The following NEDD4L variants were observed in gnomAD, a reference collection of about 807,000 sequenced individuals.
NEDD4L encodes the protein E3 ubiquitin-protein ligase NEDD4-like.
In NEDD4L, 54 loss-of-function variants were observed where a neutral mutation model predicts 148.9. The observed-to-expected ratio is 0.36, with a 90% CI of 0.29 to 0.45. The LOEUF is 0.45. NEDD4L is among the 20% of genes least tolerant of loss of function. The probability of loss-of-function intolerance (pLI) is 1.00; values close to 1 mark genes in which losing one functional copy is unlikely to be tolerated. For missense variants in NEDD4L, 856 were observed against 1,233.8 expected, an observed-to-expected ratio of 0.69 and a Z score of 4.59; for synonymous variants, 433 against 440.7, an observed-to-expected ratio of 0.98 and a Z score of 0.22.
chr18:58,147,483 T>C (rs1168419619), intron 1 of NEDD4L, among the ~76,000 whole-genome samples: 1 of 152,218 alleles, frequency 6.6e-6, no homozygotes, highest in Admixed American at 6.5e-5. Flanking sequence ...CCTCTGCTGC[T>C]TAGAGCTGCC....
intron 13 of NEDD4L, among the ~76,000 whole-genome samples, chr18:58,338,428 A>T (rs913334909): frequency 5.3e-5 from 8 of 152,232 alleles, no homozygotes; most frequent in Non-Finnish European, 8.8e-5. Context: ...AAGTTGTTCT[A>T]TGTGGTCATT....
chr18:58,054,109 A>C (rs916358058), intron 1 of NEDD4L, among the ~76,000 whole-genome samples: 17 of 152,176 alleles, frequency 1.1e-4, no homozygotes, highest in African/African-American at 3.6e-4. Flanking sequence ...TTAATGCTGG[A>C]AGTTACTTTG....
chr18:58,178,623 C>T (rs555053402), intron 2 of NEDD4L, among the ~76,000 whole-genome samples: 1 of 152,274 alleles, frequency 6.6e-6, no homozygotes, highest in South Asian at 2.1e-4. Flanking sequence ...TGTGTAACTC[C>T]TCCGTAAATT....
intron 2 of NEDD4L, among the ~76,000 whole-genome samples, chr18:58,173,468 AAC>A (rs1321271531): frequency 1.3e-5 from 2 of 152,194 alleles, no homozygotes; most frequent in African/African-American, 4.8e-5. Context: ...TGCAATTTAA[AAC>A]ACACATGGGC....
At chr18:58,229,039 G>A (rs78641666) in intron 2 of NEDD4L, among the ~76,000 whole-genome samples, 5,207 of 152,144 alleles carry the variant, frequency 0.034, 262 homozygotes, top group African/African-American at 0.11. Flanking sequence ...CCCTGTGCAC[G>A]TGAAGTGCTA....
At chr18:58,196,381 C>G (rs1040807041) in intron 2 of NEDD4L, among the ~76,000 whole-genome samples, 2 of 152,152 alleles carry the variant, frequency 1.3e-5, no homozygotes, top group African/African-American at 4.8e-5. Flanking sequence ...TCACATGACC[C>G]CTAACTTGAG....
chr18:58,285,619 A>G (rs2053787260), intron 5 of NEDD4L, among the ~76,000 whole-genome samples: 1 of 152,236 alleles, frequency 6.6e-6, no homozygotes, highest in Non-Finnish European at 1.5e-5. Flanking sequence ...GCCCAGCCTA[A>G]GCCCAGGAAT....
intron 22 of NEDD4L, among the ~76,000 whole-genome samples, chr18:58,368,995 G>A (rs1371446630): frequency 6.6e-6 from 1 of 152,186 alleles, no homozygotes; most frequent in Non-Finnish European, 1.5e-5. Flanking sequence ...CTCTCTAACA[G>A]GGGGTAATAG....
chr18:58,090,223 G>T (rs1178406834), intron 1 of NEDD4L, among the ~76,000 whole-genome samples: 2 of 152,146 alleles, frequency 1.3e-5, no homozygotes, highest in Non-Finnish European at 2.9e-5. Context: ...TTACGGTCTT[G>T]CTTACTGCTT....
chr18:58,074,432 GTAT>G (rs1489786630), intron 1 of NEDD4L, among the ~76,000 whole-genome samples: 2,307 of 110,656 alleles, frequency 0.021, 74 homozygotes, highest in African/African-American at 0.089. Context: ...CTAATTTTTT[GTAT>G]TTTTTTTTTT....
chr18:58,091,478 T>C (rs1426970912), intron 1 of NEDD4L: 1 of 152,276 alleles, frequency 6.6e-6, no homozygotes, highest in African/African-American at 2.4e-5. Flanking sequence ...GGCTGGTATG[T>C]GCTGGTGCCC....
At chr18:58,387,189 C>T (rs2049149228) in intron 26 of NEDD4L, among the ~76,000 whole-genome samples, 1 of 152,196 alleles carries the variant, frequency 6.6e-6, no homozygotes, top group African/African-American at 2.4e-5. Flanking sequence ...TACAGTATCC[C>T]ATATTTTCAT....
intron 1 of NEDD4L, chr18:58,045,240 CGT>C: frequency 7.5e-6 from 3 of 397,716 alleles, no homozygotes; most frequent in Non-Finnish European, 1.3e-5. Context: ...GGACACGCTG[CGT>C]GTGTCCCTCC....
At chr18:58,163,681 C>G (rs2036502819) in intron 1 of NEDD4L, among the ~76,000 whole-genome samples, 1 of 152,204 alleles carries the variant, frequency 6.6e-6, no homozygotes, top group Non-Finnish European at 1.5e-5. Flanking sequence ...TATTCATGTT[C>G]TTTACCGTAT....
chr18:58,184,734 C>T (rs1233300332), intron 2 of NEDD4L, among the ~76,000 whole-genome samples: 1 of 152,018 alleles, frequency 6.6e-6, no homozygotes, highest in Admixed American at 6.6e-5. Context: ...CGAGACCATC[C>T]TGGCTAACAC....
intron 2 of NEDD4L, 144 bp downstream of exon 2, chr18:58,166,005 G>A (rs2036803727): frequency 2.9e-6 from 2 of 683,768 alleles, no homozygotes; most frequent in Non-Finnish European, 2.5e-6. Context: ...GATTTAGGAA[G>A]TGATGCTGGC....
chr18:58,090,439 G>A (rs1047969663), intron 1 of NEDD4L, among the ~76,000 whole-genome samples: 7 of 152,058 alleles, frequency 4.6e-5, no homozygotes, highest in Non-Finnish European at 8.8e-5. Context: ...CGTTTTCTCC[G>A]GTGTATTACC....
intron 2 of NEDD4L, among the ~76,000 whole-genome samples, chr18:58,207,652 C>G (rs2042110589): frequency 6.6e-6 from 1 of 152,162 alleles, no homozygotes; most frequent in Admixed American, 6.5e-5. Context: ...CATGCCCATC[C>G]CCCAGTGATG....
At chr18:58,307,139 A>G (rs1361306288) in intron 5 of NEDD4L, among the ~76,000 whole-genome samples, 1 of 152,122 alleles carries the variant, frequency 6.6e-6, no homozygotes, top group East Asian at 1.9e-4. Flanking sequence ...GCCAGGTGGA[A>G]ATGGCTCCCC....
Sources: allele counts gnomAD v4.1 joint callset (sites outside exome capture counted in the v4.1 genomes callset), GRCh38; gene constraint gnomAD v4.1.1; transcripts MANE v1.5; gene names NCBI Gene and HGNC (gene_info 2026-07-23, HGNC 2026-07-21).